The following PLEKHH1 variants were observed in gnomAD, a reference collection of about 807,000 sequenced individuals.
PLEKHH1 encodes pleckstrin homology, MyTH4 and FERM domain containing H1, also known as pleckstrin homology domain-containing family H member 1.
Under a neutral mutation model 160.0 loss-of-function variants are expected in PLEKHH1, and 104 were observed. The ratio of observed to expected loss-of-function variants is 0.65; its 90% CI spans 0.55 to 0.76. The LOEUF is 0.76. Ranked by LOEUF, PLEKHH1 falls within the 30% of genes least tolerant of loss-of-function variation. The pLI is 0.00. For synonymous variants in PLEKHH1, 619 were observed against 678.4 expected (o/e 0.91, Z 1.36); for missense variants, 1,427 against 1,724.1 (o/e 0.83, Z 3.05).
rs1436709329 is a variant in PLEKHH1, at chr14:67,579,881, C to T, written c.3183+5C>T. 1 of 1,594,172 alleles carries T rather than the reference C, an allele frequency of 6.3e-7. No individual in the cohort carries two copies. The highest frequency in any genetic ancestry group is 8.5e-7 in the Non-Finnish European group (1 of 1,170,308). On this transcript the variant is annotated splice_donor_5th_base_variant and intron_variant, in intron 22 of 28. Coordinates refer to ENST00000329153, the MANE Select transcript of PLEKHH1 (RefSeq NM_020715.3). ...TGCCTGCAGGGAAGTGTCAAGGTGA[C>T]AGCCTCCCACTAAGCCAGCTGAGCC... is the stretch of plus-strand genomic sequence containing the variant.
intron 4 of PLEKHH1, 49 bp downstream of exon 4, chr14:67,557,467 C>G (rs1740292919): frequency 6.4e-7 from 1 of 1,570,614 alleles, no homozygotes; most frequent in Non-Finnish European, 8.7e-7. Flanking sequence ...GACATCTGTA[C>G]TGCTGGCCCC....
Position 67,577,424 on chromosome 14 carries a change from G to T in PLEKHH1, c.2574+10G>T. ...CCTCAAGCTCTTCAAGGTAAATTGGGGTGGCGGCCAGGCCCACCGCTGGGA... is the reference window on the plus strand; with the variant it reads ...CCTCAAGCTCTTCAAGGTAAATTGGTGTGGCGGCCAGGCCCACCGCTGGGA... On this transcript the variant is annotated intron_variant, in intron 18 of 28. Transcript: ENST00000329153. 6.5e-7 allele frequency: 1 copy of T among 1,533,318 alleles called. No homozygotes were observed. The highest frequency in any genetic ancestry group is 8.9e-7 in the Non-Finnish European group (1 of 1,125,980). 95.0% of individuals were successfully genotyped at this position (1,533,318 alleles called of 1,614,324 possible). A position where few individuals can be genotyped will look rare whatever the true frequency, so the allele number is the denominator to read the frequency against.
rs369379811 is a variant in PLEKHH1, at chr14:67,557,456, C to T, written c.339+38C>T. 8.1e-4 allele frequency: 1,294 copies of T among 1,598,004 alleles called. 2 individuals are homozygous for T. The highest frequency in any genetic ancestry group is 9.5e-4 in the Non-Finnish European group (1,111 of 1,172,098). Reference sequence around the variant, plus strand: ...GCGCAAGGGAGCACCATGCCCTCTTCGACATCTGTACTGCTGGCCCCCAGC... The same window carrying T: ...GCGCAAGGGAGCACCATGCCCTCTTTGACATCTGTACTGCTGGCCCCCAGC... On this transcript the variant is annotated intron_variant, in intron 4 of 28. Coordinates refer to ENST00000329153, the MANE Select transcript of PLEKHH1 (RefSeq NM_020715.3).
chr14:67,555,976 C>A, intron 3 of PLEKHH1, 89 bp downstream of exon 3: 2 of 1,503,366 alleles, frequency 1.3e-6, no homozygotes, highest in Non-Finnish European at 1.8e-6. Context: ...TGGACACATA[C>A]ATCACCAGCA....
At chr14:67,534,358 A>C (rs1417928080) in intron 1 of PLEKHH1, among the ~76,000 whole-genome samples, 1 of 151,998 alleles carries the variant, frequency 6.6e-6, no homozygotes, top group Admixed American at 6.6e-5. Flanking sequence ...GCAGGAGGAG[A>C]GCTTGATGCC....
chr14:67,567,488 C>T (rs1034558308), intron 7 of PLEKHH1, among the ~76,000 whole-genome samples: 11 of 151,986 alleles, frequency 7.2e-5, no homozygotes, highest in South Asian at 2.1e-4. Flanking sequence ...CCACTCTGGG[C>T]AGAAATAATC....
rs1051821365 is a variant in PLEKHH1, at chr14:67,579,173, A to C, written c.2889A>C (p.Ala963=). ...TGQYATYCQR[A]VERTLRTGER... ...AGTATGCCACCTACTGCCAGCGGGC[A>C]GTGGAGCGGACCCTGCGGACCGGGG... Residue 963 remains alanine (A), a synonymous_variant, in exon 21 of 29, where the codon GCA becomes GCC. Transcript: ENST00000329153. The C allele has an allele frequency of 2.5e-6, 4 of 1,607,498 alleles. No homozygotes were observed. The African/African-American group carries it at 5.4e-5, about 22-fold the overall frequency.
chr14:67,561,177 C>A (rs77785584), intron 5 of PLEKHH1, among the ~76,000 whole-genome samples: 2,015 of 152,292 alleles, frequency 0.013, 81 homozygotes, highest in Admixed American at 0.079. Context: ...AGAACTGATG[C>A]CTGGCTTACC....
chr14:67,557,423 G>A lies in PLEKHH1; in HGVS notation c.339+5G>A, dbSNP rs1349918590. 6.2e-7 allele frequency: 1 copy of A among 1,611,856 alleles called. No homozygotes were observed. Among genetic ancestry groups the A allele is most frequent in the Non-Finnish European group, 8.5e-7 (1 of 1,179,590 alleles). ...GAGGCTCAGCTGGAGAAGCAGGTAA[G>A]GGCTCATGCGCAAGGGAGCACCATG... On this transcript the variant is annotated splice_donor_5th_base_variant and intron_variant, in intron 4 of 28. Coordinates refer to ENST00000329153, the MANE Select transcript of PLEKHH1 (RefSeq NM_020715.3).
At chr14:67,567,545 G>A (rs915592320) in intron 7 of PLEKHH1, among the ~76,000 whole-genome samples, 4 of 151,860 alleles carry the variant, frequency 2.6e-5, no homozygotes, top group African/African-American at 4.8e-5. Flanking sequence ...TGCCCTACAC[G>A]AGCACAGAAA....
At chr14:67,566,009 C>T (rs950299754) in intron 7 of PLEKHH1, among the ~76,000 whole-genome samples, 1 of 152,152 alleles carries the variant, frequency 6.6e-6, no homozygotes, top group African/African-American at 2.4e-5. Context: ...AGTCTGGCTG[C>T]TCGGGAGCCT....
At chr14:67,552,840 G>A (rs994240507) in intron 2 of PLEKHH1, among the ~76,000 whole-genome samples, 2 of 151,990 alleles carry the variant, frequency 1.3e-5, no homozygotes, top group Non-Finnish European at 2.9e-5. Context: ...CAGTGACAGA[G>A]GGTGACCCAG....
chr14:67,585,842 C>T, intron 27 of PLEKHH1, 109 bp from the exon 28 acceptor site: 2 of 1,210,842 alleles, frequency 1.7e-6, no homozygotes, highest in South Asian at 1.4e-5. Context: ...CAAATTATGA[C>T]CACTTGGGAG....
rs764410665 is a variant in PLEKHH1 at position 67,562,556 on chromosome 14, A to C, written c.925A>C (p.Ser309Arg). The change falls in exon 7 of 29, where the codon AGT (serine) becomes CGT (arginine). Residue 309 changes from serine to arginine, a missense_variant. Coordinates refer to ENST00000329153, the MANE Select transcript of PLEKHH1 (RefSeq NM_020715.3). The part of the protein sequence containing the change: ...TSAREGGPGS[S>R]LTLPKVRAPG... ...TGCCAGGGAAGGTGGTCCTGGCAGC[A>C]GTCTGACCCTACCAAAGGTGCGGGC... The C allele has an allele frequency of 6.2e-6, 10 of 1,611,318 alleles. No homozygotes were observed. Among genetic ancestry groups the C allele is most frequent in the Non-Finnish European group, 8.5e-6 (10 of 1,177,934 alleles).
At chr14:67,565,457 C>T (rs921803242) in intron 7 of PLEKHH1, among the ~76,000 whole-genome samples, 2 of 152,090 alleles carry the variant, frequency 1.3e-5, no homozygotes, top group Admixed American at 1.3e-4. Flanking sequence ...GTTGCCCAGG[C>T]TAGTCTCAAA....
In PLEKHH1 at chr14:67,578,644, G is replaced by A. The variant is rs1441357734; in HGVS notation, c.2849+13G>A. 1 of 1,550,868 alleles carries A rather than the reference G, an allele frequency of 6.4e-7. No individual in the cohort carries two copies. The highest frequency in any genetic ancestry group is 2.3e-5 in the East Asian group (1 of 43,390). ...ATGCAGATCCCAGGTGAGTGAACCT[G>A]GCCGTTTCCTCTGCCACTTGAGCAC... On this transcript the variant is annotated intron_variant, in intron 20 of 28. Coordinates refer to ENST00000329153, the MANE Select transcript of PLEKHH1 (RefSeq NM_020715.3). The surrounding 1 kb of genome is among the most constrained non-coding windows in gnomAD (Gnocchi z 5.0).
Position 67,576,247 on chromosome 14 carries a change from C to G in PLEKHH1, c.2353-148C>G, listed in dbSNP as rs1837894703. On this transcript the variant is annotated intron_variant, in intron 16 of 28. Transcript: ENST00000329153. This position sits in a 1 kb window ranked among gnomAD's most constrained non-coding sequence, Gnocchi z 4.0. ...AAAGTTGGGTTCATGTTCACCTGAT[C>G]CTCAGTCTTTCCAGGTAGCCCTGAC... 6 of 617,438 alleles carry G rather than the reference C, an allele frequency of 9.7e-6. No homozygotes were observed. The highest frequency in any genetic ancestry group is 1.7e-5 in the Non-Finnish European group (6 of 352,126). 38.2% of individuals were successfully genotyped at this position (617,438 alleles called of 1,614,324 possible).
rs188739575 is a variant in PLEKHH1 at position 67,553,571 on chromosome 14, C to T, written c.127-2254C>T. Among the ~76,000 whole-genome samples, 3 of 152,338 alleles carry T rather than the reference C, an allele frequency of 2.0e-5. No homozygotes were observed. In the East Asian group the frequency reaches 5.8e-4, roughly 29 times the overall value. ...TTCCAGATTCCTGGAGAGAGAGAAT[C>T]TGGCTGGTCCAGTTAGGTCTGGTGT... On this transcript the variant is annotated intron_variant, in intron 2 of 28. Transcript: ENST00000329153.
In PLEKHH1 at chr14:67,543,752, T is replaced by C. The variant is rs530280468; in HGVS notation, c.126+1759T>C. On this transcript the variant is annotated intron_variant, in intron 2 of 28. Transcript: ENST00000329153. ...ATATATCTCGGAGGGAAGAGACTTC[T>C]GTTTCTAGTAATATGGACAACAAAA... 9.4e-5 allele frequency among the ~76,000 whole-genome samples: 14 copies of C among 149,104 alleles called. No homozygotes were observed. In the South Asian group the frequency reaches 3.1e-3, roughly 33 times the overall value.
Sources: allele counts gnomAD v4.1 joint callset (sites outside exome capture counted in the v4.1 genomes callset), GRCh38; gene constraint gnomAD v4.1.1; non-coding constraint Gnocchi (gnomAD v3.1); transcripts MANE v1.5; gene names NCBI Gene and HGNC (gene_info 2026-07-23, HGNC 2026-07-21).